ACOT11: variants seen among roughly 807,000 people sequenced by gnomAD.
ACOT11 encodes acyl-coenzyme A thioesterase 11.
In ACOT11, 69 loss-of-function variants were observed where a neutral mutation model predicts 77.5. That is an observed-to-expected ratio of 0.89 (90% CI 0.73 to 1.09). The LOEUF (loss-of-function observed/expected upper bound fraction) is 1.09, where lower values mean the gene tolerates loss of function less well. Ranked by LOEUF, ACOT11 falls within the 50% of genes least tolerant of loss-of-function variation. The pLI, the probability that ACOT11 is intolerant of heterozygous loss-of-function variation, is 0.00. For synonymous variants in ACOT11, 279 were observed against 313.0 expected (o/e 0.89, Z 1.15); for missense variants, 766 against 813.7 (o/e 0.94, Z 0.71).
chr1:54,610,176 G>T lies in ACOT11; in HGVS notation c.*1064G>T. Reference sequence around the variant, plus strand: ...TACCCATGACTCAGCCTGGGGGCTGGTGCCGGCCTTGCCTGCAGCAATGTA... The same window carrying T: ...TACCCATGACTCAGCCTGGGGGCTGTTGCCGGCCTTGCCTGCAGCAATGTA... On this transcript the variant is annotated 3_prime_UTR_variant, in exon 16 of 16. Transcript: ENST00000343744. 1 of 1,433,054 alleles carries T rather than the reference G, an allele frequency of 7.0e-7. No homozygotes were observed. The highest frequency in any genetic ancestry group is 1.4e-5 in the African/African-American group (1 of 69,728). The allele number at this position is 1,433,054 out of a possible 1,614,324, so 88.8% of individuals were successfully genotyped here.
At chr1:54,581,059 G>A (rs1165916333) in intron 1 of ACOT11, among the ~76,000 whole-genome samples, 2 of 152,186 alleles carry the variant, frequency 1.3e-5, no homozygotes, top group Admixed American at 6.5e-5. Context: ...CAGGGGAAGT[G>A]CCTGGTGAGG....
Position 54,556,958 on chromosome 1 carries a change from C to T in ACOT11, c.33+8616C>T, listed in dbSNP as rs566673592. On this transcript the variant is annotated intron_variant, in intron 1 of 15. Coordinates refer to ENST00000343744, the MANE Select transcript of ACOT11 (RefSeq NM_147161.4). ...TTTCCCTCTGTTGCCCAGGTTGGAG[C>T]GCAGTGGTCTGATCATAGCTCACTG... is the stretch of plus-strand genomic sequence containing the variant. 1.3e-4 allele frequency among the ~76,000 whole-genome samples: 20 copies of T among 151,700 alleles called. No individual in the cohort carries two copies. The South Asian group carries it at 2.1e-3, about 16-fold the overall frequency.
intron 1 of ACOT11, among the ~76,000 whole-genome samples, chr1:54,571,087 T>TA (rs1400679738): frequency 6.7e-6 from 1 of 149,304 alleles, no homozygotes; most frequent in Non-Finnish European, 1.5e-5. Context: ...TTTTTTTTTT[T>TA]AAAGAGACAG....
At chr1:54,564,257 A>G (rs906649160) in intron 1 of ACOT11, among the ~76,000 whole-genome samples, 8 of 152,158 alleles carry the variant, frequency 5.3e-5, no homozygotes, top group African/African-American at 1.9e-4. Flanking sequence ...AAAAGAAAAA[A>G]TAAAATAAAA....
chr1:54,597,078 T>C (rs1220056674), intron 6 of ACOT11, among the ~76,000 whole-genome samples, 181 bp from the exon 7 acceptor site: 1 of 152,208 alleles, frequency 6.6e-6, no homozygotes, highest in Admixed American at 6.5e-5. Context: ...TCCACTGCAC[T>C]GGACAGGCTC....
At chr1:54,593,912 A>G in intron 4 of ACOT11, 29 bp from the exon 5 acceptor site, 1 of 1,599,326 alleles carries the variant, frequency 6.3e-7, no homozygotes, top group Non-Finnish European at 8.6e-7. Flanking sequence ...GTTGTTCCTC[A>G]TTCCTTCGCC....
At chr1:54,554,044 G>A (rs1415674029) in intron 1 of ACOT11, among the ~76,000 whole-genome samples, 4 of 151,960 alleles carry the variant, frequency 2.6e-5, no homozygotes, top group East Asian at 3.9e-4. Flanking sequence ...GTGGTAGCAC[G>A]CGCCTCTAGT....
chr1:54,609,182 GGAGAAAGCCAAA>G lies in ACOT11; in HGVS notation c.*73_*84del, dbSNP rs1462268987. On this transcript the variant is annotated 3_prime_UTR_variant, in exon 16 of 16. Coordinates refer to ENST00000343744, the MANE Select transcript of ACOT11 (RefSeq NM_147161.4). ...CCCCAAGGACTCACATACAGTGCCT[GGAGAAAGCCAAA>G]GACCTTTATTTCTTCCTGCCTCCCC... The G allele has an allele frequency of 4.5e-5, 72 of 1,604,338 alleles. No individual in the cohort carries two copies. Among genetic ancestry groups the G allele is most frequent in the Non-Finnish European group, 6.0e-5 (70 of 1,174,808 alleles).
intron 15 of ACOT11, 82 bp downstream of exon 15, chr1:54,608,150 T>TC: frequency 4.1e-6 from 6 of 1,463,130 alleles, no homozygotes; most frequent in Non-Finnish European, 4.6e-6. Flanking sequence ...ACTGCTGGGC[T>TC]AGGATAGTCT....
At chr1:54,565,761 T>G (rs1001942762) in intron 1 of ACOT11, among the ~76,000 whole-genome samples, 1 of 152,128 alleles carries the variant, frequency 6.6e-6, no homozygotes, top group African/African-American at 2.4e-5. Context: ...CTCAGTAGGA[T>G]CCCTCCTACT....
intron 1 of ACOT11, among the ~76,000 whole-genome samples, chr1:54,562,373 A>T (rs113843068): frequency 0.2 from 9,196 of 45,944 alleles, 908 homozygotes; most frequent in Non-Finnish European, 0.25. Flanking sequence ...GGGGCTCCTC[A>T]CTTCCCAGTA....
At chr1:54,638,345 C>G (rs1194970066) in exon 17 of ACOT11, 4 of 152,262 alleles carry the variant, frequency 2.6e-5, no homozygotes, top group Middle Eastern at 3.4e-3. Context: ...GCAAACAAAA[C>G]TAAAGGAGTT....
intron 15 of ACOT11, 37 bp from the exon 16 acceptor site, chr1:54,608,920 A>C (rs1167030351): frequency 6.2e-7 from 1 of 1,604,356 alleles, no homozygotes; most frequent in Non-Finnish European, 8.5e-7. Flanking sequence ...ACCCTCCCCT[A>C]GCTTGGTCCC....
chr1:54,594,416 G>C lies in ACOT11; in HGVS notation c.472-140G>C. On this transcript the variant is annotated intron_variant, in intron 5 of 15. Transcript: ENST00000343744. ...TGGAGGCAGGAAGATGGGGCAAAGA[G>C]GGAGGAAGCCTTGGAACTGAGCAGC... 3 of 1,160,022 alleles carry C rather than the reference G, an allele frequency of 2.6e-6. No individual in the cohort carries two copies. In the South Asian group the frequency reaches 5.1e-5, roughly 20 times the overall value. The allele number at this position is 1,160,022 out of a possible 1,614,324, so 71.9% of individuals were successfully genotyped here. A position where few individuals can be genotyped will look rare whatever the true frequency, so the allele number is the denominator to read the frequency against.
chr1:54,616,087 G>A (rs918100033), intron 15 of ACOT11: 1 of 1,614,072 alleles, frequency 6.2e-7, no homozygotes, highest in Non-Finnish European at 8.5e-7. Flanking sequence ...AGATAGTGGG[G>A]GGGTGTGCCA....
chr1:54,576,694 C>T (rs1044888657), intron 1 of ACOT11, among the ~76,000 whole-genome samples: 2 of 152,130 alleles, frequency 1.3e-5, no homozygotes, highest in Admixed American at 1.3e-4. Context: ...CTTTTACTTA[C>T]AGCTTATGCT....
intron 3 of ACOT11, among the ~76,000 whole-genome samples, chr1:54,592,248 C>T (rs977424039): frequency 5.3e-5 from 8 of 151,962 alleles, no homozygotes; most frequent in South Asian, 2.1e-4. Flanking sequence ...ACCATTGAGC[C>T]GAGAGCAAAA....
At chr1:54,608,242 G>T (rs969893195) in intron 15 of ACOT11, among the ~76,000 whole-genome samples, 174 bp downstream of exon 15, 8 of 152,264 alleles carry the variant, frequency 5.3e-5, no homozygotes, top group Non-Finnish European at 8.8e-5. Flanking sequence ...TCTAATCTGT[G>T]TACAGGTAAG....
chr1:54,593,797 C>G, intron 4 of ACOT11, 144 bp from the exon 5 acceptor site: 5 of 676,454 alleles, frequency 7.4e-6, no homozygotes, highest in East Asian at 5.3e-5. Context: ...CCTCAGATCT[C>G]TGGCCTCCCA....
Sources: allele counts gnomAD v4.1 joint callset (sites outside exome capture counted in the v4.1 genomes callset), GRCh38; gene constraint gnomAD v4.1.1; transcripts MANE v1.5; gene names NCBI Gene and HGNC (gene_info 2026-07-23, HGNC 2026-07-21).